CDH17: variants seen among roughly 807,000 people sequenced by gnomAD.
CDH17 encodes cadherin 17.
Under a neutral mutation model 86.3 loss-of-function variants are expected in CDH17, and 67 were observed. The observed-to-expected ratio is 0.78, with a 90% CI of 0.64 to 0.95. CDH17 has a LOEUF of 0.95. Among genes scored for constraint, CDH17 ranks in the 40% least tolerant of loss-of-function variants. The probability of loss-of-function intolerance (pLI) is 0.00; values close to 1 mark genes in which losing one functional copy is unlikely to be tolerated. For synonymous variants in CDH17, 367 were observed against 366.4 expected (o/e 1.00, Z -0.02); for missense variants, 993 against 1,017.6 (o/e 0.98, Z 0.33).
At chr8:94,161,330 T>C (rs1285219506) in intron 11 of CDH17, among the ~76,000 whole-genome samples, 1 of 152,192 alleles carries the variant, frequency 6.6e-6, no homozygotes, top group Non-Finnish European at 1.5e-5. Flanking sequence ...ATTCCCTTCT[T>C]TGTTGCAGGC....
chr8:94,133,500 T>C (rs1812460607), intron 15 of CDH17, among the ~76,000 whole-genome samples: 1 of 152,218 alleles, frequency 6.6e-6, no homozygotes, highest in African/African-American at 2.4e-5. Flanking sequence ...TTTTTGCACA[T>C]TGATTTTGTA....
chr8:94,165,673 T>A lies in CDH17; in HGVS notation c.1282+88A>T, dbSNP rs1033615913. 3 of 886,354 alleles carry A rather than the reference T, an allele frequency of 3.4e-6. No individual in the cohort carries two copies. In the African/African-American group the frequency reaches 4.9e-5, roughly 15 times the overall value. The allele number at this position is 886,354 out of a possible 1,614,324, so 54.9% of individuals were successfully genotyped here. A position where few individuals can be genotyped will look rare whatever the true frequency, so the allele number is the denominator to read the frequency against. ...AGAATGTTTAAATGGCATCATTCTA[T>A]AACATACCAGACATTAGCGCAGGAA... On this transcript the variant is annotated intron_variant, in intron 10 of 17. Coordinates refer to ENST00000027335, the MANE Select transcript of CDH17 (RefSeq NM_004063.4).
chr8:94,163,310 A>G (rs1813092999), intron 10 of CDH17, among the ~76,000 whole-genome samples: 1 of 152,232 alleles, frequency 6.6e-6, no homozygotes, highest in African/African-American at 2.4e-5. Flanking sequence ...GCCACCATCC[A>G]TTCCTCTGTC....
At chr8:94,131,378 G>A (rs1812412336) in intron 15 of CDH17, among the ~76,000 whole-genome samples, 1 of 152,098 alleles carries the variant, frequency 6.6e-6, no homozygotes, top group South Asian at 2.1e-4. Context: ...ACATAACCTT[G>A]CTTTTTGTGT....
chr8:94,147,863 C>T (rs1219894760), intron 14 of CDH17, among the ~76,000 whole-genome samples: 1 of 152,194 alleles, frequency 6.6e-6, no homozygotes, highest in African/African-American at 2.4e-5. Flanking sequence ...CAAAAGTTCA[C>T]CTGATTTCGT....
intron 15 of CDH17, among the ~76,000 whole-genome samples, chr8:94,136,055 A>G (rs1358733010): frequency 2.0e-5 from 3 of 152,198 alleles, no homozygotes; most frequent in East Asian, 3.8e-4. Context: ...CTTTGTGGGT[A>G]ACCCGACCTT....
chr8:94,196,730 C>T (rs536357194), intron 1 of CDH17, among the ~76,000 whole-genome samples: 8 of 152,292 alleles, frequency 5.3e-5, no homozygotes, highest in African/African-American at 1.7e-4. Context: ...AATCCAGCTG[C>T]AGACATAGAT....
intron 13 of CDH17, among the ~76,000 whole-genome samples, chr8:94,150,727 C>T (rs1812839844): frequency 6.6e-6 from 1 of 152,102 alleles, no homozygotes; most frequent in Admixed American, 6.5e-5. Flanking sequence ...TTATTTTTCC[C>T]ACTGATAAAC....
At position 94,215,879 on chromosome 8, in the gene CDH17, T is replaced by TA. The variant is rs1381468218; in HGVS notation, c.-21+1318dup. 4.6e-5 allele frequency among the ~76,000 whole-genome samples: 7 copies of TA among 150,682 alleles called. 1 individual carries two copies. The highest frequency in any genetic ancestry group is 7.4e-5 in the Non-Finnish European group (5 of 67,728). ...GTATACGAGGTTTTTTTTTTTTTTTTAACTAATTTTACCTATTATTTGACC... is the reference window on the plus strand; with the variant it reads ...GTATACGAGGTTTTTTTTTTTTTTTTAAACTAATTTTACCTATTATTTGACC... On this transcript the variant is annotated intron_variant, in intron 1 of 17. Coordinates refer to the CDH17 transcript ENST00000450165.
At chr8:94,211,063 G>A (rs955862321), upstream of CDH17, among the ~76,000 whole-genome samples, 16 of 150,090 alleles carry the variant, frequency 1.1e-4, no homozygotes, top group Non-Finnish European at 1.6e-4. Flanking sequence ...ACAAGTGAAA[G>A]GACTTGGGCT....
intron 15 of CDH17, among the ~76,000 whole-genome samples, chr8:94,139,339 C>G (rs1243206385): frequency 6.6e-6 from 1 of 152,082 alleles, no homozygotes; most frequent in East Asian, 1.9e-4. Flanking sequence ...CTTCAAGTGG[C>G]CTAATACATG....
chr8:94,163,511 C>T (rs1408375842), intron 10 of CDH17, among the ~76,000 whole-genome samples: 1 of 152,236 alleles, frequency 6.6e-6, no homozygotes, highest in Non-Finnish European at 1.5e-5. Context: ...AGGCCTTGCT[C>T]CTTTGGGGGA....
rs1813064129 is a variant in CDH17, at chr8:94,162,079, T to C, written c.1359+7A>G. On this transcript the variant is annotated splice_region_variant and intron_variant, in intron 11 of 17. Transcript: ENST00000027335. ...TAAAGAAAAAACAAATAATGACAAC[T>C]ACTCACATCTGATTTTTCAAAGATG... The C allele has an allele frequency of 6.7e-7, 1 of 1,499,124 alleles. No individual in the cohort carries two copies. The highest frequency in any genetic ancestry group is 1.7e-5 in the Admixed American group (1 of 59,588). 92.9% of individuals were successfully genotyped at this position (1,499,124 alleles called of 1,614,324 possible). A position where few individuals can be genotyped will look rare whatever the true frequency, so the allele number is the denominator to read the frequency against.
chr8:94,188,305 A>G (rs952549779), intron 3 of CDH17, among the ~76,000 whole-genome samples: 5 of 151,794 alleles, frequency 3.3e-5, no homozygotes, highest in African/African-American at 9.7e-5. Context: ...GTTTTTCCCA[A>G]ATATATTTGA....
At chr8:94,211,101 G>C (rs1814115897), upstream of CDH17, among the ~76,000 whole-genome samples, 1 of 151,472 alleles carries the variant, frequency 6.6e-6, no homozygotes, top group African/African-American at 2.4e-5. Flanking sequence ...GCTTCATGGT[G>C]GTGAAAACAT....
intron 7 of CDH17, 79 bp downstream of exon 7, chr8:94,173,718 A>G: frequency 2.9e-6 from 3 of 1,022,794 alleles, no homozygotes; most frequent in Non-Finnish European, 4.6e-6. Context: ...TGTATCAGTG[A>G]AGACTGTGAG....
chr8:94,178,035 A>G (rs1016100822), intron 3 of CDH17, among the ~76,000 whole-genome samples: 1 of 152,216 alleles, frequency 6.6e-6, no homozygotes, highest in Non-Finnish European at 1.5e-5. Context: ...AGCTTCTAAG[A>G]AGCATTAAAA....
intron 7 of CDH17, among the ~76,000 whole-genome samples, chr8:94,171,828 C>T (rs1378290112): frequency 6.6e-6 from 1 of 152,130 alleles, no homozygotes; most frequent in African/African-American, 2.4e-5. Flanking sequence ...CTCAGAGCAG[C>T]CTGGGAAGAT....
At chr8:94,145,710 C>T (rs149862723) in intron 15 of CDH17, among the ~76,000 whole-genome samples, 7 of 152,276 alleles carry the variant, frequency 4.6e-5, no homozygotes, top group Middle Eastern at 3.4e-3. Context: ...TGTTCATCTA[C>T]ACCAAGAGAA....
Sources: allele counts gnomAD v4.1 joint callset (sites outside exome capture counted in the v4.1 genomes callset), GRCh38; gene constraint gnomAD v4.1.1; transcripts MANE v1.5; gene names NCBI Gene and HGNC (gene_info 2026-07-23, HGNC 2026-07-21).